ZNF90: variants seen among roughly 807,000 people sequenced by gnomAD.
ZNF90 encodes the protein zinc finger protein 90.
In ZNF90, 11 loss-of-function variants were observed where a neutral mutation model predicts 12.0. The ratio of observed to expected loss-of-function variants is 0.92; its 90% CI spans 0.58 to 1.52. The LOEUF (loss-of-function observed/expected upper bound fraction) is 1.52. Among genes scored for constraint, ZNF90 ranks in the 40% most tolerant of loss-of-function variants. The pLI is 0.00. For missense variants in ZNF90, 765 were observed against 711.5 expected, an observed-to-expected ratio of 1.08 and a Z score of -0.86; for synonymous variants, 232 against 240.1, an observed-to-expected ratio of 0.97 and a Z score of 0.31.
At chr19:20,083,709 CAG>C (rs1555701771) in intron 1 of ZNF90, among the ~76,000 whole-genome samples, 1 of 152,150 alleles carries the variant, frequency 6.6e-6, no homozygotes, top group East Asian at 1.9e-4. Flanking sequence ...TTAATGGCCA[CAG>C]AGTATTCATG....
At position 20,117,892 on chromosome 19, in the gene ZNF90, TAAAA is replaced by T; in HGVS notation, c.342_345del (p.Lys115ValfsTer22). ...AAACGTGAATATGGCAATTTAGAGT[TAAAA>T]AAAGGTTGTGAAAGTGTGGATGAGG... On this transcript the variant is annotated frameshift_variant, in exon 4 of 4. Transcript: ENST00000418063. LOFTEE classifies it low-confidence loss of function (END_TRUNC). 1.2e-6 allele frequency: 2 copies of T among 1,611,492 alleles called. No homozygotes were observed. Among genetic ancestry groups the T allele is most frequent in the Non-Finnish European group, 1.7e-6 (2 of 1,179,074 alleles).
rs782453428 is a variant in ZNF90, at chr19:20,119,062, A to G, written c.1508A>G (p.His503Arg). Residue 503 changes from histidine (H) to arginine (R), a missense_variant, in exon 4 of 4, where the codon CAC (histidine) becomes CGC (arginine). Coordinates refer to ENST00000418063, the MANE Select transcript of ZNF90 (RefSeq NM_007138.2). The stretch of plus-strand genomic sequence containing the variant: ...GCCCTTAGCACACATAAGATAATTC[A>G]CAGTGGAGAGAATCCCTACAAATGT... The part of the protein sequence containing the change: ...SSALSTHKII[H>R]SGENPYKCEE... 9.3e-6 allele frequency: 15 copies of G among 1,611,346 alleles called. No individual in the cohort carries two copies. In the African/African-American group the frequency reaches 1.9e-4, roughly 20 times the overall value.
At chr19:20,089,502 G>A (rs1055343471) in intron 1 of ZNF90, among the ~76,000 whole-genome samples, 1 of 152,178 alleles carries the variant, frequency 6.6e-6, no homozygotes, top group Non-Finnish European at 1.5e-5. Context: ...AAGGAACATC[G>A]AGAAGGTAAA....
At chr19:20,088,961 G>T (rs1209040900) in intron 1 of ZNF90, among the ~76,000 whole-genome samples, 3 of 152,154 alleles carry the variant, frequency 2.0e-5, no homozygotes, top group African/African-American at 7.2e-5. Context: ...TTGAATTTTG[G>T]GGGTAAGGAA....
chr19:20,089,422 T>C (rs1322336816), intron 1 of ZNF90, among the ~76,000 whole-genome samples: 1 of 152,158 alleles, frequency 6.6e-6, no homozygotes, highest in Non-Finnish European at 1.5e-5. Context: ...AGGGCTTGTC[T>C]GTAATATGCA....
In ZNF90 at chr19:20,119,264, TG is replaced by T. The variant is rs2122535052; in HGVS notation, c.1712del (p.Gly571AlafsTer24). On this transcript the variant is annotated frameshift_variant, in exon 4 of 4. Transcript: ENST00000418063. LOFTEE classifies it low-confidence loss of function (END_TRUNC). The part of the protein sequence containing the change: ...GEKPYKCEEC[G>X]KAFNLSSDLN... ...AGAAACCCTACAAATGTGAAGAATG[TG>T]GCAAAGCTTTTAACTTGTCCTCAGA... The T allele has an allele frequency of 6.2e-7, 1 of 1,613,878 alleles. No homozygotes were observed. Among genetic ancestry groups the T allele is most frequent in the South Asian group, 1.1e-5 (1 of 91,030 alleles).
At chr19:20,089,534 G>A (rs1475283168) in intron 1 of ZNF90, among the ~76,000 whole-genome samples, 1 of 152,212 alleles carries the variant, frequency 6.6e-6, no homozygotes, top group Non-Finnish European at 1.5e-5. Flanking sequence ...GGGAATTCCA[G>A]TGGGTCTTTG....
chr19:20,105,205 A>G lies in ZNF90; in HGVS notation c.131-16A>G, dbSNP rs1555704266. Reference sequence around the variant, plus strand: ...AATATGAGGAAGATTCATGTTATTTATTTTTAATAAAACAGGTATTGTTGT... The same window carrying G: ...AATATGAGGAAGATTCATGTTATTTGTTTTTAATAAAACAGGTATTGTTGT... On this transcript the variant is annotated splice_polypyrimidine_tract_variant and intron_variant, in intron 2 of 3. Transcript: ENST00000418063. 2 of 1,581,894 alleles carry G rather than the reference A, an allele frequency of 1.3e-6. No homozygotes were observed. Among genetic ancestry groups the G allele is most frequent in the Non-Finnish European group, 8.6e-7 (1 of 1,160,904 alleles).
In ZNF90 at chr19:20,105,297, G is replaced by A. The variant is rs145013358; in HGVS notation, c.207G>A (p.Glu69=). 1,047 of 1,607,248 alleles carry A rather than the reference G, an allele frequency of 6.5e-4. 5 individuals carry two copies. The African/African-American group carries it at 0.011, about 17-fold the overall frequency. Residue 69 remains glutamate (E), a synonymous_variant, in exon 3 of 4, where the codon GAG becomes GAA. Coordinates refer to ENST00000418063, the MANE Select transcript of ZNF90 (RefSeq NM_007138.2). ...GKKPFTVKRH[E]MIAKSPVMCF... Reference sequence around the variant, plus strand: ...AACCCTTCACTGTGAAGAGACATGAGATGATTGCCAAATCCCCAGGTAGGT... The same window carrying A: ...AACCCTTCACTGTGAAGAGACATGAAATGATTGCCAAATCCCCAGGTAGGT...
intron 1 of ZNF90, among the ~76,000 whole-genome samples, chr19:20,099,244 G>C (rs1334329329): frequency 2.0e-5 from 3 of 151,898 alleles, no homozygotes; most frequent in African/African-American, 7.3e-5. Flanking sequence ...CATGATTTCA[G>C]CTCACTGAAA....
intron 1 of ZNF90, among the ~76,000 whole-genome samples, chr19:20,086,606 C>G (rs1364146735): frequency 6.6e-6 from 1 of 152,064 alleles, no homozygotes; most frequent in Non-Finnish European, 1.5e-5. Flanking sequence ...ATTTTAATAT[C>G]ATTATTTACA....
chr19:20,094,274 A>G (rs1307784284), intron 1 of ZNF90, among the ~76,000 whole-genome samples: 2 of 152,088 alleles, frequency 1.3e-5, no homozygotes, highest in Non-Finnish European at 2.9e-5. Flanking sequence ...GAGGTTGATT[A>G]ATTCCTGTTG....
intron 1 of ZNF90, among the ~76,000 whole-genome samples, chr19:20,091,088 G>A (rs967588373): frequency 2.6e-5 from 4 of 151,850 alleles, no homozygotes; most frequent in Admixed American, 1.3e-4. Flanking sequence ...AGAAATGACC[G>A]CGGTGGCCTT....
intron 1 of ZNF90, among the ~76,000 whole-genome samples, chr19:20,085,278 T>TCTTTTTTTTTTTTTTTTTTTA (rs1568282321): frequency 6.7e-6 from 1 of 149,444 alleles, no homozygotes; most frequent in Admixed American, 6.6e-5. Flanking sequence ...CTTTTTTTTT[T>TCTTTTTTTTTTTTTTTTTTTA]AGACGGAGTC....
chr19:20,117,004 A>C (rs1395007775), intron 3 of ZNF90, among the ~76,000 whole-genome samples: 2 of 132,092 alleles, frequency 1.5e-5, no homozygotes, highest in Non-Finnish European at 3.1e-5. Context: ...AAGAATTGGC[A>C]ACTTACATTT....
At chr19:20,110,413 G>C (rs2089078185) in intron 3 of ZNF90, among the ~76,000 whole-genome samples, 1 of 151,898 alleles carries the variant, frequency 6.6e-6, no homozygotes, top group Non-Finnish European at 1.5e-5. Context: ...CTAGTAACTG[G>C]GATTACAGGC....
Position 20,120,581 on chromosome 19 carries a change from G to T in ZNF90, c.*1221G>T, listed in dbSNP as rs2089186792. ...GTTGATACTAAAATATATGTTTGCA[G>T]AAACAGTAAATATAAAAAATATTTA... On this transcript the variant is annotated 3_prime_UTR_variant, in exon 4 of 4. Transcript: ENST00000418063. 6.6e-6 allele frequency among the ~76,000 whole-genome samples: 1 copy of T among 151,986 alleles called. No individual in the cohort carries two copies. Among genetic ancestry groups the T allele is most frequent in the African/African-American group, 2.4e-5 (1 of 41,378 alleles).
Position 20,118,947 on chromosome 19 carries a change from T to C in ZNF90, c.1393T>C (p.Ser465Pro). The change falls in exon 4 of 4, where the codon TCC (serine) becomes CCC (proline). Residue 465 changes from serine to proline, a missense_variant. Coordinates refer to ENST00000418063, the MANE Select transcript of ZNF90 (RefSeq NM_007138.2). ...CEECGKAFKRSSNLTTHKISH... is the reference protein window; with the variant it reads ...CEECGKAFKRPSNLTTHKISH... ...AGAATGTGGCAAAGCCTTCAAGCGC[T>C]CCTCAAACCTTACTACACATAAGAT... The C allele has an allele frequency of 1.9e-6, 3 of 1,612,732 alleles. No individual in the cohort carries two copies. Among genetic ancestry groups the C allele is most frequent in the South Asian group, 2.2e-5 (2 of 90,906 alleles).
intron 1 of ZNF90, among the ~76,000 whole-genome samples, chr19:20,101,554 T>C (rs1555703903): frequency 6.6e-6 from 1 of 152,196 alleles, no homozygotes; most frequent in East Asian, 1.9e-4. Context: ...GAGCAGCTTA[T>C]TGTTTTTGAA....
Sources: allele counts gnomAD v4.1 joint callset (sites outside exome capture counted in the v4.1 genomes callset), GRCh38; gene constraint gnomAD v4.1.1; transcripts MANE v1.5; gene names NCBI Gene and HGNC (gene_info 2026-07-23, HGNC 2026-07-21).